GDI2: variants seen among roughly 807,000 people sequenced by gnomAD.
GDI2 encodes the protein GDP dissociation inhibitor 2.
GDI2 carries 22 observed loss-of-function variants against 54.2 expected under a neutral mutation model. The ratio of observed to expected loss-of-function variants is 0.41; its 90% CI spans 0.29 to 0.58. The LOEUF is 0.58. Among genes scored for constraint, GDI2 ranks in the 20% least tolerant of loss-of-function variants. GDI2 has a pLI of 0.35. For synonymous variants in GDI2, 177 were observed against 182.1 expected (o/e 0.97, Z 0.23); for missense variants, 422 against 546.0 (o/e 0.77, Z 2.26).
rs1340890429 is a variant in GDI2, at chr10:5,766,047, C to T, written c.1297G>A (p.Glu433Lys). 6.3e-7 allele frequency: 1 copy of T among 1,591,594 alleles called. No individual in the cohort carries two copies. ...RMTGSEFDFE[E>K]MKRKKNDIYG... Reference sequence around the variant, plus strand: ...ATGTCATTCTTCTTGCGCTTCATTTCCTCAAAGTCAAACTCTGATCCTGTC... The same window carrying T: ...ATGTCATTCTTCTTGCGCTTCATTTTCTCAAAGTCAAACTCTGATCCTGTC... The change falls in exon 11 of 11, where the codon GAA becomes AAA. Residue 433 changes from glutamate (E) to lysine (K), a missense_variant. Transcript: ENST00000380191. This position sits in a 1 kb window ranked among gnomAD's most constrained non-coding sequence, Gnocchi z 5.8.
intron 7 of GDI2, among the ~76,000 whole-genome samples, chr10:5,772,490 C>T (rs1258892405): frequency 1.3e-5 from 2 of 152,202 alleles, no homozygotes; most frequent in Non-Finnish European, 2.9e-5. Context: ...GGCACAGTGG[C>T]TCATGCCTGT....
intron 4 of GDI2, among the ~76,000 whole-genome samples, chr10:5,789,867 T>C (rs1368784745): frequency 6.6e-6 from 1 of 152,238 alleles, no homozygotes; most frequent in African/African-American, 2.4e-5. Flanking sequence ...CTGTAATAAC[T>C]CTGGAGCCAC....
At position 5,776,873 on chromosome 10, in the gene GDI2, C is replaced by G; in HGVS notation, c.720-2932G>C. On this transcript the variant is annotated intron_variant, in intron 6 of 10. Transcript: ENST00000380191. This position sits in a 1 kb window ranked among gnomAD's most constrained non-coding sequence, Gnocchi z 5.3. ...TTTATGAATAATTAAAATGGAAGGCCAGAGAAGAGGGGAGAAGAGGAAATA... is the reference window on the plus strand; with the variant it reads ...TTTATGAATAATTAAAATGGAAGGCGAGAGAAGAGGGGAGAAGAGGAAATA... 9.3e-7 allele frequency: 1 copy of G among 1,080,008 alleles called. No homozygotes were observed. The highest frequency in any genetic ancestry group is 1.3e-6 in the Non-Finnish European group (1 of 749,688). The allele number at this position is 1,080,008 out of a possible 1,614,324, so 66.9% of individuals were successfully genotyped here. A position where few individuals can be genotyped will look rare whatever the true frequency, so the allele number is the denominator to read the frequency against.
At chr10:5,767,344 G>A (rs1554786603) in intron 8 of GDI2, among the ~76,000 whole-genome samples, 1 of 151,788 alleles carries the variant, frequency 6.6e-6, no homozygotes, top group Non-Finnish European at 1.5e-5. Flanking sequence ...TAACAGTCTG[G>A]CTCTGTCACC....
intron 1 of GDI2, among the ~76,000 whole-genome samples, chr10:5,804,696 G>T (rs893375155): frequency 1.2e-4 from 18 of 152,210 alleles, no homozygotes; most frequent in African/African-American, 4.3e-4. Flanking sequence ...CTATTTCTGT[G>T]AAGTTTTATT....
chr10:5,769,853 A>G (rs1840445115), intron 7 of GDI2, among the ~76,000 whole-genome samples: 1 of 152,348 alleles, frequency 6.6e-6, no homozygotes, highest in East Asian at 1.9e-4. Context: ...CAGAATTACC[A>G]TATGATCTAG....
chr10:5,791,639 C>A (rs1310034929), intron 4 of GDI2, among the ~76,000 whole-genome samples: 1 of 151,442 alleles, frequency 6.6e-6, no homozygotes, highest in African/African-American at 2.4e-5. Context: ...CCCAACTACT[C>A]GGGAGGCTGA....
intron 1 of GDI2, among the ~76,000 whole-genome samples, chr10:5,803,096 G>C (rs1041723739): frequency 6.6e-5 from 10 of 152,198 alleles, no homozygotes; most frequent in Non-Finnish European, 1.5e-4. Context: ...GCATGTATGT[G>C]AATTCAGTTT....
chr10:5,772,283 A>G (rs1417736568), intron 7 of GDI2, among the ~76,000 whole-genome samples: 1 of 152,196 alleles, frequency 6.6e-6, no homozygotes, highest in Non-Finnish European at 1.5e-5. Context: ...GTGCTGATAT[A>G]CCTGAGAATT....
At chr10:5,812,845 G>A (rs1027760415) in intron 1 of GDI2, among the ~76,000 whole-genome samples, 2 of 152,192 alleles carry the variant, frequency 1.3e-5, no homozygotes, top group African/African-American at 4.8e-5. Context: ...TCGGGTGCTG[G>A]TTTCCAACCG....
intron 6 of GDI2, among the ~76,000 whole-genome samples, chr10:5,780,406 G>A (rs557600830): frequency 2.0e-5 from 3 of 152,006 alleles, no homozygotes; most frequent in African/African-American, 7.2e-5. Context: ...ACATTATCAG[G>A]AAGTCCTAAC....
intron 1 of GDI2, among the ~76,000 whole-genome samples, chr10:5,808,331 A>T (rs1841417874): frequency 6.6e-6 from 1 of 151,678 alleles, no homozygotes; most frequent in Non-Finnish European, 1.5e-5. Context: ...TCTCAAAAAC[A>T]AACAAACAAA....
intron 4 of GDI2, among the ~76,000 whole-genome samples, chr10:5,791,777 G>A (rs1384561665): frequency 1.3e-5 from 2 of 151,546 alleles, no homozygotes; most frequent in African/African-American, 4.8e-5. Flanking sequence ...TAAGCCAGGT[G>A]TGGTGGCGTG....
At chr10:5,794,187 AAATATATATATATAT>A (rs1188284853) in intron 4 of GDI2, among the ~76,000 whole-genome samples, 22 of 40,272 alleles carry the variant, frequency 5.5e-4, no homozygotes, top group African/African-American at 2.0e-3. Flanking sequence ...AAAAAAAAAA[AAATATATATATATAT>A]ATATATATAT....
In GDI2 at chr10:5,785,998, A is replaced by G. The variant is rs1164391848; in HGVS notation, c.441T>C (p.Val147=). 2 of 1,613,808 alleles carry G rather than the reference A, an allele frequency of 1.2e-6. No homozygotes were observed. Among genetic ancestry groups the G allele is most frequent in the Admixed American group, 3.3e-5 (2 of 60,014 alleles). ...TTGGATCTTTTTCATCGAAGTTGGC[A>G]ACATACACTAGGAATTTCCTGAAGC... The part of the protein sequence containing the change: ...KRRFRKFLVY[V]ANFDEKDPRT... The change falls in exon 5 of 11, where the codon GTT becomes GTC. Residue 147 remains valine (V), a synonymous_variant. Transcript: ENST00000380191.
In GDI2 at chr10:5,768,320, C is replaced by A. The variant is rs142508080; in HGVS notation, c.884G>T (p.Gly295Val). 1 of 1,612,406 alleles carries A rather than the reference C, an allele frequency of 6.2e-7. No homozygotes were observed. The highest frequency in any genetic ancestry group is 8.5e-7 in the Non-Finnish European group (1 of 1,178,566). ...SYVKDRVEKV[G>V]QVIRVICILS... is the part of the protein sequence containing the mutation. ...GATGCAAATAACTCTGATCACCTGG[C>A]CCACTTTTTCTACCCGATCTTTTAC... The change falls in exon 8 of 11, where the codon GGC (glycine) becomes GTC (valine). Residue 295 changes from glycine to valine, a missense_variant. Transcript: ENST00000380191. This position sits in a 1 kb window ranked among gnomAD's most constrained non-coding sequence, Gnocchi z 4.4.
intron 6 of GDI2, among the ~76,000 whole-genome samples, chr10:5,781,167 C>T (rs1840745222): frequency 6.9e-6 from 1 of 144,682 alleles, no homozygotes; most frequent in South Asian, 2.2e-4. Context: ...ACTAAATATT[C>T]GTATGTAAAA....
In GDI2 at chr10:5,774,466, C is replaced by T. The variant is rs1840572049; in HGVS notation, c.720-525G>A. On this transcript the variant is annotated intron_variant, in intron 6 of 10. Coordinates refer to ENST00000380191, the MANE Select transcript of GDI2 (RefSeq NM_001494.4). The surrounding 1 kb of genome is among the most constrained non-coding windows in gnomAD (Gnocchi z 4.8). ...ATTCCCTAGTAGTAAGAGACCTCTA[C>T]ACCTCATTTTCTTTGGCTGGAGGCG... 6.6e-6 allele frequency among the ~76,000 whole-genome samples: 1 copy of T among 152,200 alleles called. No homozygotes were observed. Among genetic ancestry groups the T allele is most frequent in the African/African-American group, 2.4e-5 (1 of 41,448 alleles).
intron 1 of GDI2, 93 bp from the exon 2 acceptor site, chr10:5,800,798 G>A: frequency 1.4e-6 from 1 of 727,662 alleles, no homozygotes; most frequent in Non-Finnish European, 2.5e-6. Flanking sequence ...CATTCTCTTA[G>A]TAATTACACT....
Sources: allele counts gnomAD v4.1 joint callset (sites outside exome capture counted in the v4.1 genomes callset), GRCh38; gene constraint gnomAD v4.1.1; non-coding constraint Gnocchi (gnomAD v3.1); transcripts MANE v1.5; gene names NCBI Gene and HGNC (gene_info 2026-07-23, HGNC 2026-07-21).